Variants in ANKHD1 observed in about 807,000 individuals in gnomAD.
ANKHD1 encodes the protein ankyrin repeat and KH domain-containing protein 1.
ANKHD1 carries 31 observed loss-of-function variants against 230.5 expected under a neutral mutation model. That is an observed-to-expected ratio of 0.13 (90% CI 0.10 to 0.18). ANKHD1 has a LOEUF of 0.18. Ranked by LOEUF, ANKHD1 falls within the 10% of genes least tolerant of loss-of-function variation. ANKHD1 has a pLI of 1.00. For missense variants in ANKHD1, 2,256 were observed against 3,071.3 expected, an observed-to-expected ratio of 0.73 and a Z score of 6.27; for synonymous variants, 1,074 against 1,117.6, an observed-to-expected ratio of 0.96 and a Z score of 0.78.
intron 7 of ANKHD1, 90 bp from the exon 8 acceptor site, chr5:140,458,535 T>G: frequency 7.3e-7 from 1 of 1,366,188 alleles, no homozygotes; most frequent in Admixed American, 2.4e-5. Flanking sequence ...TTCTTCCTTT[T>G]TCCAATCTCT....
chr5:140,420,817 T>C (rs1259980127), intron 1 of ANKHD1, among the ~76,000 whole-genome samples: 1 of 152,208 alleles, frequency 6.6e-6, no homozygotes, highest in Non-Finnish European at 1.5e-5. Context: ...TCTGGGTTAT[T>C]GGTTATTGGT....
intron 25 of ANKHD1, chr5:140,524,976 A>G: frequency 6.0e-6 from 2 of 332,124 alleles, no homozygotes; most frequent in South Asian, 2.3e-5. Flanking sequence ...CTGGGATTAC[A>G]GGCGTGGTGG....
intron 1 of ANKHD1, among the ~76,000 whole-genome samples, chr5:140,426,053 G>A (rs970127450): frequency 2.0e-5 from 3 of 152,290 alleles, no homozygotes; most frequent in African/African-American, 7.2e-5. Flanking sequence ...GAGGACTAGC[G>A]AGTACATGTT....
intron 1 of ANKHD1, among the ~76,000 whole-genome samples, chr5:140,434,064 A>G (rs1773261690): frequency 6.6e-6 from 1 of 152,198 alleles, no homozygotes. Flanking sequence ...TTCATTTTGT[A>G]AAATTATAGT....
rs377371985 is a variant in ANKHD1 at position 140,424,208 on chromosome 5, C to CTA, written c.307-11885_307-11884dup. 8.4e-3 allele frequency among the ~76,000 whole-genome samples: 1,236 copies of CTA among 147,046 alleles called. 10 individuals are homozygous for CTA. Among genetic ancestry groups the CTA allele is most frequent in the African/African-American group, 0.028 (1,142 of 40,642 alleles). The stretch of plus-strand genomic sequence containing the variant: ...GCATCAAGAATAATAATACTAGCTA[C>CTA]TATATATATATAGAGAGAGAGAGAG... On this transcript the variant is annotated intron_variant, in intron 1 of 33. Transcript: ENST00000360839.
At chr5:140,487,160 G>A in intron 14 of ANKHD1, 100 bp downstream of exon 14, 1 of 1,203,254 alleles carries the variant, frequency 8.3e-7, no homozygotes, top group Non-Finnish European at 1.1e-6. Context: ...TGTACCCATG[G>A]CTAATTGAGG....
In ANKHD1 at chr5:140,505,237, A is replaced by C. The variant is rs1411581249; in HGVS notation, c.3262+4A>C. The C allele has an allele frequency of 6.2e-6, 10 of 1,613,578 alleles. No homozygotes were observed. The highest frequency in any genetic ancestry group is 8.5e-6 in the Non-Finnish European group (10 of 1,179,874). Reference sequence around the variant, plus strand: ...ATTGAACACAGAGACAAAAAAGGTAAATATCAGTCAGAAATAAAATCCAAG... The same window carrying C: ...ATTGAACACAGAGACAAAAAAGGTACATATCAGTCAGAAATAAAATCCAAG... On this transcript the variant is annotated splice_donor_region_variant and intron_variant, in intron 17 of 33. Coordinates refer to ENST00000360839, the MANE Select transcript of ANKHD1 (RefSeq NM_017747.3).
Position 140,526,132 on chromosome 5 carries a change from G to T in ANKHD1, c.4629G>T (p.Arg1543=), listed in dbSNP as rs1366793126. 1.2e-5 allele frequency: 20 copies of T among 1,613,560 alleles called. No homozygotes were observed. Among genetic ancestry groups the T allele is most frequent in the Non-Finnish European group, 1.7e-5 (20 of 1,179,934 alleles). The change falls in exon 26 of 34, where the codon CGG becomes CGT. Residue 1543 remains arginine (R), a synonymous_variant. Coordinates refer to ENST00000360839, the MANE Select transcript of ANKHD1 (RefSeq NM_017747.3). ...TGGTGACAACTCCCAGCACCAATCG[G>T]AAAAATAAGAAGAACAAAACAAAAG... ...ANVVTTPSTN[R]KNKKNKTKET... is the part of the protein sequence containing the mutation.
At chr5:140,518,215 A>T (rs1753136085) in intron 24 of ANKHD1, among the ~76,000 whole-genome samples, 1 of 152,142 alleles carries the variant, frequency 6.6e-6, no homozygotes, top group Non-Finnish European at 1.5e-5. Context: ...CTCGACACAT[A>T]CACTCTCCCA....
At chr5:140,406,623 C>A (rs911941881) in intron 1 of ANKHD1, among the ~76,000 whole-genome samples, 2 of 151,310 alleles carry the variant, frequency 1.3e-5, no homozygotes, top group Non-Finnish European at 2.9e-5. Flanking sequence ...TAGCTCACTG[C>A]AACCTCTGCT....
In ANKHD1 at chr5:140,497,245, A is replaced by G. The variant is rs1418749305; in HGVS notation, c.2971A>G (p.Thr991Ala). ...ACTAATGGTTGCAACTCCAGCTCAG[A>G]CGCTTACCGACACTCTTGATGACCT... Reference protein sequence around the residue: ...DGLMVATPAQTLTDTLDDLIA... With the variant: ...DGLMVATPAQALTDTLDDLIA... Residue 991 changes from threonine (T) to alanine (A), a missense_variant, in exon 15 of 34, where the codon ACG becomes GCG. Transcript: ENST00000360839. The G allele has an allele frequency of 6.2e-7, 1 of 1,606,294 alleles. No homozygotes were observed. The highest frequency in any genetic ancestry group is 2.2e-5 in the East Asian group (1 of 44,876).
intron 10 of ANKHD1, among the ~76,000 whole-genome samples, chr5:140,478,200 C>T (rs2127007128): frequency 6.6e-6 from 1 of 151,012 alleles, no homozygotes; most frequent in South Asian, 2.1e-4. Context: ...AGATGTTGCC[C>T]AAATGTAGGG....
At chr5:140,534,260 C>T (rs1440906733) in intron 29 of ANKHD1, among the ~76,000 whole-genome samples, 1 of 152,022 alleles carries the variant, frequency 6.6e-6, no homozygotes, top group African/African-American at 2.4e-5. Flanking sequence ...GGCGTGATGG[C>T]AGATGCCTGT....
At position 140,408,231 on chromosome 5, in the gene ANKHD1, A is replaced by C. The variant is rs544143620; in HGVS notation, c.306+5958A>C. Among the ~76,000 whole-genome samples the C allele has an allele frequency of 3.9e-5, 6 of 152,294 alleles. No individual in the cohort carries two copies. The South Asian group carries it at 1.2e-3, about 32-fold the overall frequency. On this transcript the variant is annotated intron_variant, in intron 1 of 33. Transcript: ENST00000360839. ...AAAATAGTTACTTGTTGAAAAACTCAACAATATAGATAGTAGGTATAAGGG... is the reference window on the plus strand; with the variant it reads ...AAAATAGTTACTTGTTGAAAAACTCCACAATATAGATAGTAGGTATAAGGG...
In ANKHD1 at chr5:140,506,357, CATT is replaced by C. The variant is rs1269786558; in HGVS notation, c.3409-475_3409-473del. ...GAACAGGAGGGTGGAGATGAGGTCT[CATT>C]ATGTTGCCCAAGCTGGCCTTGAACT... On this transcript the variant is annotated intron_variant, in intron 18 of 33. Transcript: ENST00000360839. This position sits in a 1 kb window ranked among gnomAD's most constrained non-coding sequence, Gnocchi z 4.7. Among the ~76,000 whole-genome samples, 1 of 151,528 alleles carries C rather than the reference CATT, an allele frequency of 6.6e-6. No homozygotes were observed. The highest frequency in any genetic ancestry group is 1.5e-5 in the Non-Finnish European group (1 of 67,932).
At chr5:140,533,743 T>TG (rs1753942143) in intron 29 of ANKHD1, among the ~76,000 whole-genome samples, 1 of 133,472 alleles carries the variant, frequency 7.5e-6, no homozygotes, top group Admixed American at 8.5e-5. Flanking sequence ...ACTGCTGCAC[T>TG]CTAGCCTGAG....
chr5:140,535,770 T>A, intron 30 of ANKHD1: 1 of 473,478 alleles, frequency 2.1e-6, no homozygotes, highest in South Asian at 4.4e-5. Flanking sequence ...AGAAAAGAGG[T>A]ACTAGGCTGG....
At chr5:140,428,922 A>C (rs1163599262) in intron 1 of ANKHD1, among the ~76,000 whole-genome samples, 1 of 151,610 alleles carries the variant, frequency 6.6e-6, no homozygotes, top group African/African-American at 2.4e-5. Context: ...AGCTGTGACT[A>C]CAGGCATGCA....
intron 9 of ANKHD1, among the ~76,000 whole-genome samples, chr5:140,463,044 C>T (rs1775832897): frequency 1.3e-5 from 2 of 151,728 alleles, no homozygotes; most frequent in Admixed American, 1.3e-4. Context: ...GAGGTGGGGT[C>T]TTGCTTGTTG....
Sources: gnomAD v4.1 joint callset for allele counts (sites outside exome capture counted in the v4.1 genomes callset) on GRCh38, gnomAD v4.1.1 for gene constraint, Gnocchi (gnomAD v3.1) non-coding constraint, MANE v1.5 for transcripts, NCBI Gene and HGNC (gene_info 2026-07-23, HGNC 2026-07-21) for gene names.